ZNF592: variants seen among roughly 807,000 people sequenced by gnomAD.
ZNF592 encodes the protein spinocerebellar ataxia, autosomal recessive 5.
A neutral mutation model predicts 80.3 loss-of-function variants in ZNF592; 11 were observed. The ratio of observed to expected loss-of-function variants is 0.14; its 90% confidence interval spans 0.09 to 0.23. The LOEUF (loss-of-function observed/expected upper bound fraction) is 0.23. Ranked by LOEUF, ZNF592 falls within the 10% of genes least tolerant of loss-of-function variation. The pLI is 1.00. For synonymous variants in ZNF592, 646 were observed against 640.3 expected (o/e 1.01, Z -0.13); for missense variants, 1,420 against 1,633.9 (o/e 0.87, Z 2.26).
intron 5 of ZNF592, among the ~76,000 whole-genome samples, chr15:84,793,229 A>G (rs1962801842): frequency 6.6e-6 from 1 of 152,124 alleles, no homozygotes; most frequent in South Asian, 2.1e-4. Flanking sequence ...GGCATGTGCC[A>G]CCACGCTTGG....
chr15:84,770,212 G>A (rs1313623255), intron 2 of ZNF592, among the ~76,000 whole-genome samples: 3 of 152,216 alleles, frequency 2.0e-5, no homozygotes, highest in African/African-American at 4.8e-5. Flanking sequence ...AAATGCGGAA[G>A]GCTGTAGGAG....
intron 1 of ZNF592, among the ~76,000 whole-genome samples, chr15:84,751,356 G>A (rs1055767029): frequency 6.6e-6 from 1 of 152,202 alleles, no homozygotes; most frequent in Non-Finnish European, 1.5e-5. Context: ...TTCAAAGCAC[G>A]TCTGCCTGAA....
At chr15:84,776,593 T>G (rs1417033589) in intron 2 of ZNF592, among the ~76,000 whole-genome samples, 2 of 152,134 alleles carry the variant, frequency 1.3e-5, no homozygotes, top group South Asian at 4.1e-4. Context: ...CCATCTCTAT[T>G]AGAGATACAA....
chr15:84,764,950 A>G (rs1899463662), intron 2 of ZNF592, 135 bp downstream of exon 2: 1 of 392,170 alleles, frequency 2.5e-6, no homozygotes, highest in Non-Finnish European at 4.5e-6. Context: ...AAAAGTTACC[A>G]TTTTTAAGTG....
At chr15:84,792,045 C>T (rs1465474558) in intron 5 of ZNF592, among the ~76,000 whole-genome samples, 2 of 151,922 alleles carry the variant, frequency 1.3e-5, no homozygotes. Flanking sequence ...TTAGAAAGAT[C>T]ATTCTGGGAA....
chr15:84,759,483 C>G lies in ZNF592; in HGVS notation c.-258-5224C>G, dbSNP rs530818725. On this transcript the variant is annotated intron_variant, in intron 1 of 10. Coordinates refer to ENST00000560079, the MANE Select transcript of ZNF592 (RefSeq NM_014630.3). ...GCTGTGCCCTTTAGGAGAAGCTGGC[C>G]TCCTATCCACAAAGTATGAACCCCA... Among the ~76,000 whole-genome samples the G allele has an allele frequency of 3.3e-5, 5 of 152,246 alleles. No individual in the cohort carries two copies. The East Asian group carries it at 9.7e-4, about 29-fold the overall frequency.
At chr15:84,751,479 C>T (rs1899011583) in intron 1 of ZNF592, among the ~76,000 whole-genome samples, 1 of 152,198 alleles carries the variant, frequency 6.6e-6, no homozygotes, top group Non-Finnish European at 1.5e-5. Flanking sequence ...AGTTTGCTCA[C>T]ATTTTAAGTG....
At chr15:84,755,580 G>C (rs1899146783) in intron 1 of ZNF592, among the ~76,000 whole-genome samples, 1 of 152,156 alleles carries the variant, frequency 6.6e-6, no homozygotes, top group African/African-American at 2.4e-5. Context: ...TTTACAGTAA[G>C]ATCTTACCTC....
intron 1 of ZNF592, among the ~76,000 whole-genome samples, chr15:84,758,383 G>A (rs1031836863): frequency 1.3e-5 from 2 of 150,844 alleles, no homozygotes; most frequent in African/African-American, 4.9e-5. Context: ...ACCAGGCTTA[G>A]GTGATCCTCC....
At chr15:84,749,379 A>G (rs1898946134) in intron 1 of ZNF592, among the ~76,000 whole-genome samples, 1 of 152,160 alleles carries the variant, frequency 6.6e-6, no homozygotes, top group Non-Finnish European at 1.5e-5. Context: ...GCCTTGGATC[A>G]GCGTTTGTGA....
intron 2 of ZNF592, among the ~76,000 whole-genome samples, chr15:84,766,704 A>AGTGTGTGTGT (rs1220656014): frequency 1.7e-5 from 1 of 58,068 alleles, no homozygotes; most frequent in Non-Finnish European, 3.4e-5. Context: ...AGGATGAGAA[A>AGTGTGTGTGT]GAGTGTGTGT....
chr15:84,794,306 A>G (rs1191607789), intron 5 of ZNF592, among the ~76,000 whole-genome samples: 1 of 152,168 alleles, frequency 6.6e-6, no homozygotes. Flanking sequence ...CTATTTTCCA[A>G]AGTGACTGCA....
At chr15:84,773,602 C>T (rs886809389) in intron 2 of ZNF592, among the ~76,000 whole-genome samples, 4 of 152,032 alleles carry the variant, frequency 2.6e-5, no homozygotes, top group African/African-American at 9.7e-5. Flanking sequence ...TACAGAGCAC[C>T]CTGGGAATGT....
rs1427897545 is a variant in ZNF592 at position 84,783,383 on chromosome 15, A to G, written c.708A>G (p.Arg236=). The G allele has an allele frequency of 6.2e-7, 1 of 1,614,248 alleles. No individual in the cohort carries two copies. The highest frequency in any genetic ancestry group is 8.5e-7 in the Non-Finnish European group (1 of 1,180,056). ...CTCACAAGGATCCGGATGCCACTCG[A>G]TTCTTCGGGGAAGCTTTGGAGTTCA... ...VEPHKDPDAT[R]FFGEALEFNS... The change falls in exon 4 of 11, where the codon CGA becomes CGG. Residue 236 remains arginine, a synonymous_variant. Coordinates refer to ENST00000560079, the MANE Select transcript of ZNF592 (RefSeq NM_014630.3). The surrounding 1 kb of genome is among the most constrained non-coding windows in gnomAD (Gnocchi z 5.0).
intron 1 of ZNF592, among the ~76,000 whole-genome samples, chr15:84,755,759 C>T (rs926109621): frequency 1.3e-5 from 2 of 152,166 alleles, no homozygotes; most frequent in African/African-American, 4.8e-5. Context: ...AACTCAAAAA[C>T]TGCCTAGAAC....
In ZNF592 at chr15:84,804,890, T is replaced by C. The variant is rs1877946451; in HGVS notation, c.*2497T>C. 1.1e-4 allele frequency: 17 copies of C among 152,198 alleles called. No individual in the cohort carries two copies. The highest frequency in any genetic ancestry group is 1.0e-3 in the Admixed American group (16 of 15,282). The allele number at this position is 152,198 out of a possible 1,614,324, so 9.4% of individuals were successfully genotyped here. ...TTTAATCCTCACAAAGATCTCACAG[T>C]TGTCCTCCATTTTACGGAGAAGAAA... is the stretch of plus-strand genomic sequence containing the variant. On this transcript the variant is annotated 3_prime_UTR_variant, in exon 11 of 11. Coordinates refer to ENST00000560079, the MANE Select transcript of ZNF592 (RefSeq NM_014630.3).
intron 2 of ZNF592, among the ~76,000 whole-genome samples, chr15:84,767,246 G>A (rs568768596): frequency 6.6e-6 from 1 of 152,128 alleles, no homozygotes; most frequent in East Asian, 1.9e-4. Context: ...GGGTGGTCTC[G>A]AACTCCTGAG....
In ZNF592 at chr15:84,799,263, C is replaced by T. The variant is rs893029868; in HGVS notation, c.3137+53C>T. On this transcript the variant is annotated intron_variant, in intron 9 of 10. Transcript: ENST00000560079. This position sits in a 1 kb window ranked among gnomAD's most constrained non-coding sequence, Gnocchi z 4.2. ...GGCCTGAGGTTCAAAAGACTCTGTC[C>T]GTGGCACCACTGGGGCTTTTCTGTG... The T allele has an allele frequency of 8.5e-6, 13 of 1,534,068 alleles. No individual in the cohort carries two copies. The highest frequency in any genetic ancestry group is 4.5e-5 in the South Asian group (4 of 89,406).
Position 84,774,678 on chromosome 15 carries a change from GT to G in ZNF592, c.-149-3495del, listed in dbSNP as rs542020081. 4.2e-3 allele frequency among the ~76,000 whole-genome samples: 609 copies of G among 146,376 alleles called. 2 individuals carry two copies. The highest frequency in any genetic ancestry group is 0.014 in the African/African-American group (576 of 40,112). ...TGGAAGTCAGTTGTTATTTTGTTCT[GT>G]TTTTTTTTTGGTGGGATCTTAGCAT... On this transcript the variant is annotated intron_variant, in intron 2 of 10. Coordinates refer to ENST00000560079, the MANE Select transcript of ZNF592 (RefSeq NM_014630.3).
Sources: gnomAD v4.1 joint callset for allele counts (sites outside exome capture counted in the v4.1 genomes callset) on GRCh38, gnomAD v4.1.1 for gene constraint, Gnocchi (gnomAD v3.1) non-coding constraint, MANE v1.5 for transcripts, NCBI Gene and HGNC (gene_info 2026-07-23, HGNC 2026-07-21) for gene names.